AFF2: variants seen among roughly 807,000 people sequenced by gnomAD.
AFF2 encodes the protein AF4/FMR2 family member 2.
AFF2 carries 14 observed loss-of-function variants against 76.9 expected under a neutral mutation model. That is an observed-to-expected ratio of 0.18 (90% CI 0.12 to 0.28). The LOEUF is 0.28. Among genes scored for constraint, AFF2 ranks in the 10% least tolerant of loss-of-function variants. The pLI is 1.00. For missense variants in AFF2, 868 were observed against 1,001.1 expected, an observed-to-expected ratio of 0.87 and a Z score of 1.79; for synonymous variants, 398 against 366.7, an observed-to-expected ratio of 1.09 and a Z score of -0.98.
rs145773889 is a variant in AFF2, at chrX:148,979,858, G to A, written c.3571-880G>A. The stretch of plus-strand genomic sequence containing the variant: ...TTCTCACTGGACTCCCGAAAATGCT[G>A]ACTCTTTCCCTGACCCTCCTTTCGC... On this transcript the variant is annotated intron_variant, in intron 18 of 20. Transcript: ENST00000370460. 7.0e-3 allele frequency among the ~76,000 whole-genome samples: 781 copies of A among 112,125 alleles called. 17 individuals are homozygous for A. The highest frequency in any genetic ancestry group is 0.065 in the Admixed American group (688 of 10,619).
intron 4 of AFF2, among the ~76,000 whole-genome samples, chrX:148,829,127 C>T (rs1159910715): frequency 7.1e-5 from 8 of 112,310 alleles, no homozygotes; most frequent in African/African-American, 1.9e-4. Flanking sequence ...GAAGAAACAT[C>T]GCCAGGGTTT....
intron 3 of AFF2, among the ~76,000 whole-genome samples, chrX:148,688,870 C>G (rs2054624592): frequency 9.0e-6 from 1 of 111,656 alleles, no homozygotes; most frequent in South Asian, 3.8e-4. Flanking sequence ...CTAAACATAT[C>G]TAAACATTGA....
At chrX:148,759,049 C>T (rs782767473) in intron 3 of AFF2, among the ~76,000 whole-genome samples, 2 of 112,166 alleles carry the variant, frequency 1.8e-5, no homozygotes, top group East Asian at 2.8e-4. Context: ...GCTGGGATTA[C>T]AGGCATGAGC....
intron 3 of AFF2, 33 bp downstream of exon 3, chrX:148,662,801 C>CT (rs782180302): frequency 4.2e-6 from 5 of 1,178,090 alleles, no homozygotes; most frequent in East Asian, 3.0e-5. Context: ...TTTGGTTTCA[C>CT]TTTTTTTTAG....
At chrX:148,574,809 A>G (rs192252642) in intron 1 of AFF2, among the ~76,000 whole-genome samples, 300 of 111,720 alleles carry the variant, frequency 2.7e-3, no homozygotes, top group Middle Eastern at 9.2e-3. Flanking sequence ...CTCAAGAAAA[A>G]GCTAAGAAGT....
chrX:148,520,855 A>G (rs1404194757), intron 1 of AFF2, among the ~76,000 whole-genome samples: 2 of 112,434 alleles, frequency 1.8e-5, no homozygotes, highest in Non-Finnish European at 3.8e-5. Flanking sequence ...AATCTCTTTC[A>G]TTGTGGCTGG....
chrX:148,968,232 A>G (rs2072205236), intron 15 of AFF2, among the ~76,000 whole-genome samples: 1 of 111,610 alleles, frequency 9.0e-6, no homozygotes, highest in African/African-American at 3.3e-5. Flanking sequence ...TTCTCAAGAT[A>G]CTTTGCCCAG....
chrX:148,815,160 C>T (rs1299242511), intron 4 of AFF2, among the ~76,000 whole-genome samples: 5 of 111,259 alleles, frequency 4.5e-5, no homozygotes, highest in Non-Finnish European at 9.4e-5. Context: ...TAGTGTTCCG[C>T]CCAAGAAAGA....
intron 3 of AFF2, among the ~76,000 whole-genome samples, chrX:148,777,659 T>C (rs2069684562): frequency 8.9e-6 from 1 of 112,261 alleles, no homozygotes. Flanking sequence ...GTTTGTCGAT[T>C]ATTGATGTAT....
At chrX:148,522,118 A>G (rs782199309) in intron 1 of AFF2, among the ~76,000 whole-genome samples, 6 of 112,547 alleles carry the variant, frequency 5.3e-5, no homozygotes, top group Non-Finnish European at 1.9e-5. Context: ...TGTGCCCTGA[A>G]AAAGTTCTGA....
intron 1 of AFF2, among the ~76,000 whole-genome samples, chrX:148,641,197 T>C (rs1450418234): frequency 8.9e-6 from 1 of 111,977 alleles, no homozygotes; most frequent in African/African-American, 3.3e-5. Flanking sequence ...GTTGATTAAA[T>C]AGACAAATTA....
At chrX:148,810,475 A>G (rs2070189375) in intron 4 of AFF2, among the ~76,000 whole-genome samples, 1 of 112,704 alleles carries the variant, frequency 8.9e-6, no homozygotes, top group South Asian at 3.7e-4. Context: ...CTTCTGAAGT[A>G]AACAATCAAA....
intron 3 of AFF2, among the ~76,000 whole-genome samples, chrX:148,788,849 A>C (rs2069856204): frequency 8.9e-6 from 1 of 111,883 alleles, no homozygotes; most frequent in Non-Finnish European, 1.9e-5. Context: ...TGGTTTTTTA[A>C]TGCATGAAAA....
intron 3 of AFF2, among the ~76,000 whole-genome samples, chrX:148,740,611 T>C (rs2124563395): frequency 8.9e-6 from 1 of 112,362 alleles, no homozygotes; most frequent in Non-Finnish European, 1.9e-5. Context: ...CCTTCCCTGA[T>C]TGGCTTAATA....
intron 3 of AFF2, among the ~76,000 whole-genome samples, chrX:148,669,148 C>T (rs1378715184): frequency 2.7e-5 from 3 of 111,659 alleles, no homozygotes; most frequent in Admixed American, 9.5e-5. Context: ...CACCTTTGCT[C>T]CAGTCCCCAA....
intron 1 of AFF2, among the ~76,000 whole-genome samples, chrX:148,541,934 C>T (rs2052861858): frequency 9.4e-6 from 1 of 106,635 alleles, no homozygotes; most frequent in Non-Finnish European, 1.9e-5. Context: ...TGAAGATCAG[C>T]CAGCCACTAG....
chrX:148,759,353 G>A (rs1557267131), intron 3 of AFF2, among the ~76,000 whole-genome samples: 2 of 112,150 alleles, frequency 1.8e-5, no homozygotes, highest in African/African-American at 6.5e-5. Context: ...TTTTGTACTA[G>A]ACTTAACTAT....
intron 3 of AFF2, among the ~76,000 whole-genome samples, chrX:148,721,128 C>T (rs946882817): frequency 3.6e-5 from 4 of 111,888 alleles, no homozygotes; most frequent in Non-Finnish European, 7.5e-5. Flanking sequence ...TGGTGGAGGG[C>T]AACTTTCTTT....
chrX:148,911,563 A>G (rs2071469140), intron 9 of AFF2, among the ~76,000 whole-genome samples: 1 of 112,158 alleles, frequency 8.9e-6, no homozygotes, highest in African/African-American at 3.2e-5. Flanking sequence ...GCACATTCAC[A>G]TAATGTAGGC....
Sources: allele counts gnomAD v4.1 joint callset (sites outside exome capture counted in the v4.1 genomes callset), GRCh38; gene constraint gnomAD v4.1.1; transcripts MANE v1.5; gene names NCBI Gene and HGNC (gene_info 2026-07-23, HGNC 2026-07-21).